The following FSTL4 variants were observed in gnomAD, a reference collection of about 807,000 sequenced individuals.
FSTL4 encodes follistatin like 4.
A neutral mutation model predicts 78.2 loss-of-function variants in FSTL4; 28 were observed. The observed-to-expected ratio is 0.36, with a 90% confidence interval of 0.27 to 0.49. FSTL4 has a LOEUF of 0.49. FSTL4 is among the 20% of genes least tolerant of loss of function. FSTL4 has a pLI of 0.98. For synonymous variants in FSTL4, 422 were observed against 440.5 expected, an observed-to-expected ratio of 0.96 and a Z score of 0.53; for missense variants, 922 against 1,084.9, an observed-to-expected ratio of 0.85 and a Z score of 2.11.
At chr5:133,356,074 C>G (rs560676150) in intron 4 of FSTL4, among the ~76,000 whole-genome samples, 26 of 152,348 alleles carry the variant, frequency 1.7e-4, no homozygotes, top group African/African-American at 6.3e-4. Context: ...ATAACTGCTG[C>G]CCAAACCTCC....
chr5:133,452,029 G>A (rs906938658), intron 3 of FSTL4, among the ~76,000 whole-genome samples: 2 of 152,166 alleles, frequency 1.3e-5, no homozygotes, highest in Non-Finnish European at 2.9e-5. Flanking sequence ...CTTCCCCCAG[G>A]AGCCCACACC....
the FSTL4 span, among the ~76,000 whole-genome samples, chr5:133,728,527 A>G: frequency 2.0e-5 from 3 of 152,192 alleles, no homozygotes; most frequent in African/African-American, 7.2e-5. Context: ...TAAAGAAGAC[A>G]CCTCCAAATC....
intron 4 of FSTL4, among the ~76,000 whole-genome samples, chr5:133,348,594 A>G (rs1169649529): frequency 6.6e-6 from 1 of 152,238 alleles, no homozygotes. Context: ...GAGGGGCAGA[A>G]AGGGCAGGAG....
intron 3 of FSTL4, among the ~76,000 whole-genome samples, chr5:133,452,393 C>A (rs1757402282): frequency 6.6e-6 from 1 of 152,220 alleles, no homozygotes; most frequent in Non-Finnish European, 1.5e-5. Flanking sequence ...GAAAACAATG[C>A]AGGAATTCTT....
the FSTL4 span, among the ~76,000 whole-genome samples, chr5:133,625,038 A>C: frequency 1.3e-5 from 2 of 151,604 alleles, no homozygotes; most frequent in African/African-American, 4.8e-5. Context: ...ATTTCCATTA[A>C]GAATGTTTGT....
At chr5:133,362,802 C>G (rs1755099812) in intron 4 of FSTL4, among the ~76,000 whole-genome samples, 1 of 152,256 alleles carries the variant, frequency 6.6e-6, no homozygotes. Flanking sequence ...ATTTCTAGAT[C>G]CTAGTTAATT....
chr5:133,684,056 G>C, the FSTL4 span, among the ~76,000 whole-genome samples: 1 of 152,208 alleles, frequency 6.6e-6, no homozygotes, highest in Non-Finnish European at 1.5e-5. Context: ...ATACCAAAAA[G>C]GCATTTTTAT....
At chr5:133,573,200 C>T (rs144894819) in intron 2 of FSTL4, among the ~76,000 whole-genome samples, 1,703 of 151,474 alleles carry the variant, frequency 0.011, 13 homozygotes, top group Non-Finnish European at 0.017. Context: ...GCCCAGATTG[C>T]GCCACTGCAC....
chr5:133,516,900 A>C (rs986347889), intron 3 of FSTL4, among the ~76,000 whole-genome samples: 2 of 152,192 alleles, frequency 1.3e-5, no homozygotes, highest in East Asian at 1.9e-4. Flanking sequence ...TTAGTTAACC[A>C]CATGGAAGAT....
At chr5:133,600,738 T>C (rs1218983146) in intron 2 of FSTL4, among the ~76,000 whole-genome samples, 1 of 152,264 alleles carries the variant, frequency 6.6e-6, no homozygotes, top group African/African-American at 2.4e-5. Context: ...GTAATTGGTA[T>C]AATAACTTTA....
At chr5:133,288,196 C>T (rs1561657914) in intron 6 of FSTL4, among the ~76,000 whole-genome samples, 1 of 152,364 alleles carries the variant, frequency 6.6e-6, no homozygotes, top group East Asian at 1.9e-4. Context: ...CCACCTCTTA[C>T]TAACTAGGTA....
At chr5:133,811,503 G>A in the FSTL4 span, among the ~76,000 whole-genome samples, 1 of 152,192 alleles carries the variant, frequency 6.6e-6, no homozygotes, top group South Asian at 2.1e-4. Context: ...TCCCCAAGAA[G>A]CATGTCTTAC....
intron 13 of FSTL4, among the ~76,000 whole-genome samples, chr5:133,216,505 C>T (rs1241059480): frequency 2.6e-5 from 4 of 152,008 alleles, no homozygotes; most frequent in African/African-American, 7.3e-5. Flanking sequence ...CCTGCCACCA[C>T]GCCTGGCTAA....
chr5:133,711,156 C>T, the FSTL4 span, among the ~76,000 whole-genome samples: 1 of 152,150 alleles, frequency 6.6e-6, no homozygotes, highest in African/African-American at 2.4e-5. Flanking sequence ...GGCCCAGGTT[C>T]CCAGAGAGCT....
At position 133,431,635 on chromosome 5, in the gene FSTL4, G is replaced by A. The variant is rs772500328; in HGVS notation, c.161-30649C>T. On this transcript the variant is annotated intron_variant, in intron 3 of 15. Transcript: ENST00000265342. ...GCAGCTGAATGCTACTGACACTACT[G>A]AGTAACCCCAGTCAATGCCACCTGA... Among the ~76,000 whole-genome samples, 40 of 152,184 alleles carry A rather than the reference G, an allele frequency of 2.6e-4. 1 individual carries two copies. Among genetic ancestry groups the A allele is most frequent in the South Asian group, 8.3e-4 (4 of 4,826 alleles).
chr5:133,750,645 G>C, the FSTL4 span, among the ~76,000 whole-genome samples: 1 of 152,130 alleles, frequency 6.6e-6, no homozygotes, highest in Admixed American at 6.5e-5. Flanking sequence ...CACCTCCAGG[G>C]GCCCAAAGGA....
chr5:133,772,269 A>G, the FSTL4 span, among the ~76,000 whole-genome samples: 1 of 152,218 alleles, frequency 6.6e-6, no homozygotes, highest in African/African-American at 2.4e-5. Flanking sequence ...TTTGTGGCAA[A>G]GTGTTTACAA....
the FSTL4 span, among the ~76,000 whole-genome samples, chr5:133,834,402 T>C: frequency 6.6e-6 from 1 of 151,398 alleles, no homozygotes; most frequent in Non-Finnish European, 1.5e-5. Flanking sequence ...AAACAGTAAA[T>C]GACTAAAGGT....
chr5:133,394,882 C>T, intron 4 of FSTL4, among the ~76,000 whole-genome samples: 1 of 152,166 alleles, frequency 6.6e-6, no homozygotes, highest in Non-Finnish European at 1.5e-5. Flanking sequence ...AATCAGCACT[C>T]TGTATCTAGC....
Sources: allele counts gnomAD v4.1 joint callset (sites outside exome capture counted in the v4.1 genomes callset), GRCh38; gene constraint gnomAD v4.1.1; transcripts MANE v1.5; gene names NCBI Gene and HGNC (gene_info 2026-07-23, HGNC 2026-07-21).